Variants in APPL2 observed in about 807,000 individuals in gnomAD.
The protein encoded by APPL2 is adaptor protein, phosphotyrosine interacting with PH domain and leucine zipper 2.
APPL2 carries 84 observed loss-of-function variants against 92.7 expected under a neutral mutation model. That is an observed-to-expected ratio of 0.91 (90% CI 0.76 to 1.09). The LOEUF (loss-of-function observed/expected upper bound fraction) is 1.09. APPL2 is among the 50% of genes least tolerant of loss of function. APPL2 has a pLI of 0.00. For synonymous variants in APPL2, 291 were observed against 291.0 expected, an observed-to-expected ratio of 1.00 and a Z score of 0.00; for missense variants, 736 against 824.5, an observed-to-expected ratio of 0.89 and a Z score of 1.31.
At position 105,207,142 on chromosome 12, in the gene APPL2, C is replaced by A; in HGVS notation, c.540G>T (p.Gln180His). Residue 180 changes from glutamine (Q) to histidine (H), a missense_variant, in exon 8 of 21, where the codon CAG becomes CAT. By Grantham distance (24) the Gln-to-His change is conservative (BLOSUM62 0). Transcript: ENST00000258530. ...ARRKQHLSSL[Q>H]YYCALNALQY... is the part of the protein sequence containing the mutation. Reference sequence around the variant, plus strand: ...GCAGCGCGTTGAGGGCACAGTAGTACTGAAGGGAGGAGAGGTGCTGCTTCC... The same window carrying A: ...GCAGCGCGTTGAGGGCACAGTAGTAATGAAGGGAGGAGAGGTGCTGCTTCC... 1 of 1,614,166 alleles carries A rather than the reference C, an allele frequency of 6.2e-7. No homozygotes were observed. Among genetic ancestry groups the A allele is most frequent in the Non-Finnish European group, 8.5e-7 (1 of 1,180,038 alleles).
At chr12:105,193,185 C>CA (rs2135951362) in intron 14 of APPL2, among the ~76,000 whole-genome samples, 1 of 152,204 alleles carries the variant, frequency 6.6e-6, no homozygotes, top group African/African-American at 2.4e-5. Context: ...ATGTGACTTG[C>CA]TTATTCTAGA....
intron 14 of APPL2, among the ~76,000 whole-genome samples, chr12:105,194,581 C>T (rs1300830331): frequency 6.6e-6 from 1 of 152,030 alleles, no homozygotes; most frequent in Non-Finnish European, 1.5e-5. Flanking sequence ...ATCCCAGCTA[C>T]TCGGGAGGCT....
At chr12:105,192,729 C>T (rs1271209871) in intron 14 of APPL2, among the ~76,000 whole-genome samples, 2 of 152,192 alleles carry the variant, frequency 1.3e-5, no homozygotes, top group East Asian at 3.8e-4. Flanking sequence ...GGGTGCTTCC[C>T]TCATTTTAAC....
intron 9 of APPL2, among the ~76,000 whole-genome samples, chr12:105,202,759 A>C (rs978397030): frequency 6.6e-6 from 1 of 152,226 alleles, no homozygotes; most frequent in African/African-American, 2.4e-5. Context: ...TAAACAGCTC[A>C]GTGACTTTCA....
intron 17 of APPL2, among the ~76,000 whole-genome samples, chr12:105,178,051 A>G (rs1303313274): frequency 1.3e-5 from 2 of 152,208 alleles, no homozygotes; most frequent in Non-Finnish European, 2.9e-5. Context: ...TCAGTCTCCC[A>G]AAGTGCTGGG....
At chr12:105,212,118 C>CAAAAAAAAAAAAA in intron 4 of APPL2, among the ~76,000 whole-genome samples, 1 of 72,392 alleles carries the variant, frequency 1.4e-5, no homozygotes, top group Non-Finnish European at 2.4e-5. Context: ...GACTCCATCT[C>CAAAAAAAAAAAAA]AAAAAAAAAA....
At chr12:105,195,201 C>A in intron 14 of APPL2, 60 bp downstream of exon 14, 1 of 1,512,512 alleles carries the variant, frequency 6.6e-7, no homozygotes, top group South Asian at 1.1e-5. Flanking sequence ...CAACTCATTT[C>A]GTATTCCTAA....
chr12:105,179,697 C>T (rs1376849974), intron 17 of APPL2, among the ~76,000 whole-genome samples: 1 of 152,190 alleles, frequency 6.6e-6, no homozygotes, highest in Non-Finnish European at 1.5e-5. Context: ...GATGGTATCT[C>T]ATTGTGGTTT....
chr12:105,197,121 C>G (rs569290649), intron 11 of APPL2, among the ~76,000 whole-genome samples: 2 of 152,244 alleles, frequency 1.3e-5, no homozygotes, highest in East Asian at 3.9e-4. Context: ...CTCCATGGGA[C>G]CCTGAAGCCC....
intron 20 of APPL2, among the ~76,000 whole-genome samples, chr12:105,175,425 T>A (rs903745120): frequency 3.5e-4 from 53 of 152,204 alleles, no homozygotes; most frequent in African/African-American, 1.3e-3. Context: ...GAGTTAAATT[T>A]AAAAATCCAG....
intron 7 of APPL2, among the ~76,000 whole-genome samples, 199 bp downstream of exon 7, chr12:105,207,772 G>A (rs1418925211): frequency 6.6e-6 from 1 of 151,980 alleles, no homozygotes; most frequent in Non-Finnish European, 1.5e-5. Flanking sequence ...CTAAGCTGGT[G>A]TTTAATAAAC....
intron 9 of APPL2, among the ~76,000 whole-genome samples, chr12:105,202,876 G>A (rs1409908575): frequency 6.6e-6 from 1 of 152,214 alleles, no homozygotes; most frequent in South Asian, 2.1e-4. Context: ...CTTCTACCTA[G>A]ATCAATTCCC....
intron 1 of APPL2, among the ~76,000 whole-genome samples, chr12:105,230,501 T>A (rs1247500740): frequency 1.3e-5 from 2 of 152,176 alleles, no homozygotes; most frequent in Non-Finnish European, 2.9e-5. Context: ...GAAGAATAAT[T>A]TCAGGAATGC....
rs957542492 is a variant in APPL2 at position 105,186,616 on chromosome 12, CATATA to C, written c.1634+1652_1634+1656del. ...CTTATTTTCCATTAAATATATATAT[CATATA>C]TATATCATATATATCATATATATGA... is the stretch of plus-strand genomic sequence containing the variant. On this transcript the variant is annotated intron_variant, in intron 17 of 20. Transcript: ENST00000258530. 1.2e-4 allele frequency among the ~76,000 whole-genome samples: 6 copies of C among 52,174 alleles called. No individual in the cohort carries two copies. In the East Asian group the frequency reaches 4.3e-3, roughly 37 times the overall value. The allele number at this position is 52,174 out of a possible 152,430, so 34.2% of individuals were successfully genotyped here.
intron 14 of APPL2, among the ~76,000 whole-genome samples, chr12:105,194,226 A>C (rs770176590): frequency 1.3e-5 from 2 of 152,238 alleles, no homozygotes; most frequent in Non-Finnish European, 2.9e-5. Context: ...ATGAAAATAC[A>C]ATCCTCTACT....
chr12:105,184,807 TGA>T (rs1285688257), intron 17 of APPL2, among the ~76,000 whole-genome samples: 2 of 152,196 alleles, frequency 1.3e-5, no homozygotes, highest in African/African-American at 2.4e-5. Context: ...GCTGCTCTCT[TGA>T]GAGCTGGCAG....
At chr12:105,232,846 A>G (rs1016996648) in intron 1 of APPL2, among the ~76,000 whole-genome samples, 4 of 151,998 alleles carry the variant, frequency 2.6e-5, no homozygotes, top group African/African-American at 7.2e-5. Flanking sequence ...AGCACAAAAC[A>G]TCTCCACAGT....
rs776787010 is a variant in APPL2 at position 105,173,323 on chromosome 12, A to C, written c.*991T>G. ...AAGAAACAGAATATTTTTTATTGCTAGGTTAATTTATTACAAAGATAATAA... is the reference window on the plus strand; with the variant it reads ...AAGAAACAGAATATTTTTTATTGCTCGGTTAATTTATTACAAAGATAATAA... On this transcript the variant is annotated 3_prime_UTR_variant, in exon 21 of 21. Transcript: ENST00000258530. 5.3e-5 allele frequency: 8 copies of C among 151,252 alleles called. No homozygotes were observed. The highest frequency in any genetic ancestry group is 8.8e-5 in the Non-Finnish European group (6 of 67,886). The allele number at this position is 151,252 out of a possible 1,614,324, so 9.4% of individuals were successfully genotyped here.
At chr12:105,178,768 G>A (rs547990195) in intron 17 of APPL2, among the ~76,000 whole-genome samples, 51 of 152,174 alleles carry the variant, frequency 3.4e-4, no homozygotes, top group Non-Finnish European at 6.3e-4. Context: ...AGTGTGTATG[G>A]GAATTTAAGT....
Sources: gnomAD v4.1 joint callset for allele counts (sites outside exome capture counted in the v4.1 genomes callset) on GRCh38, gnomAD v4.1.1 for gene constraint, MANE v1.5 for transcripts, NCBI Gene and HGNC (gene_info 2026-07-23, HGNC 2026-07-21) for gene names.